Variants in TUSC3 observed in about 807,000 individuals in gnomAD.
The protein encoded by TUSC3 is dolichyl-diphosphooligosaccharide--protein glycosyltransferase subunit TUSC3.
TUSC3 carries 45 observed loss-of-function variants against 44.8 expected under a neutral mutation model. That is an observed-to-expected ratio of 1.00 (90% CI 0.79 to 1.29). The LOEUF (loss-of-function observed/expected upper bound fraction) is 1.29, where lower values mean the gene tolerates loss of function less well. Ranked by LOEUF, TUSC3 falls within the 50% of genes most tolerant of loss-of-function variation. TUSC3 has a pLI of 0.00. For synonymous variants in TUSC3, 212 were observed against 152.9 expected, an observed-to-expected ratio of 1.39 and a Z score of -2.85; for missense variants, 519 against 437.9, an observed-to-expected ratio of 1.19 and a Z score of -1.65.
chr8:15,547,517 A>C (rs1487685481), intron 1 of TUSC3, among the ~76,000 whole-genome samples: 3 of 151,714 alleles, frequency 2.0e-5, no homozygotes, highest in Non-Finnish European at 4.4e-5. Context: ...ATAAGGCTTA[A>C]ATTATATCAG....
At chr8:15,675,677 T>A (rs993324099) in intron 6 of TUSC3, among the ~76,000 whole-genome samples, 1 of 152,148 alleles carries the variant, frequency 6.6e-6, no homozygotes, top group African/African-American at 2.4e-5. Context: ...CTCCTACTTA[T>A]AAGAACGTGC....
At chr8:15,741,813 G>A (rs1226771332) in intron 7 of TUSC3, among the ~76,000 whole-genome samples, 1 of 152,018 alleles carries the variant, frequency 6.6e-6, no homozygotes, top group Non-Finnish European at 1.5e-5. Context: ...AAAAGATATT[G>A]CAGAAAAAAT....
At chr8:15,616,808 C>T (rs1805003878) in intron 1 of TUSC3, among the ~76,000 whole-genome samples, 2 of 152,088 alleles carry the variant, frequency 1.3e-5, no homozygotes, top group South Asian at 2.1e-4. Flanking sequence ...GGTGCCGCTG[C>T]GTTCCCCTCA....
chr8:15,593,033 G>T (rs140387911), intron 1 of TUSC3, among the ~76,000 whole-genome samples: 22 of 152,226 alleles, frequency 1.4e-4, no homozygotes, highest in African/African-American at 4.6e-4. Context: ...GGATTCATTA[G>T]CCTATAGATA....
the TUSC3 span, among the ~76,000 whole-genome samples, chr8:15,842,979 ATTG>A: frequency 2.6e-5 from 4 of 152,184 alleles, no homozygotes; most frequent in Non-Finnish European, 4.4e-5. Context: ...ATGAATGATT[ATTG>A]TTGTTATAGT....
intron 2 of TUSC3, among the ~76,000 whole-genome samples, chr8:15,515,835 T>G (rs986685706): frequency 6.6e-6 from 1 of 151,376 alleles, no homozygotes; most frequent in African/African-American, 2.4e-5. Context: ...ACCCGGCTAT[T>G]TTTTTTTGTA....
intron 1 of TUSC3, among the ~76,000 whole-genome samples, chr8:15,552,889 A>G (rs951947117): frequency 6.6e-6 from 1 of 151,668 alleles, no homozygotes; most frequent in African/African-American, 2.4e-5. Context: ...GCAGATGTCA[A>G]AGTGAGAGGT....
At chr8:15,776,662 A>G in the TUSC3 span, among the ~76,000 whole-genome samples, 1 of 152,216 alleles carries the variant, frequency 6.6e-6, no homozygotes, top group Admixed American at 6.5e-5. Context: ...TTATAGTAAT[A>G]TTTTTGCCTC....
chr8:15,608,314 C>G (rs1207934720), intron 1 of TUSC3, among the ~76,000 whole-genome samples: 1 of 151,354 alleles, frequency 6.6e-6, no homozygotes, highest in Non-Finnish European at 1.5e-5. Flanking sequence ...TTTTTGCTTG[C>G]TTTGTTACTT....
At chr8:15,474,510 A>G (rs915480981) in intron 1 of TUSC3, among the ~76,000 whole-genome samples, 5 of 152,188 alleles carry the variant, frequency 3.3e-5, no homozygotes, top group Admixed American at 6.5e-5. Context: ...ACTTCCTGCA[A>G]CAATAAAGTA....
intron 7 of TUSC3, chr8:15,743,314 C>A (rs1165111428): frequency 3.7e-6 from 2 of 541,456 alleles, no homozygotes; most frequent in East Asian, 3.2e-5. Context: ...TTGGAATTAG[C>A]CTCTCAATAT....
chr8:15,542,086 A>G (rs1478517676), intron 1 of TUSC3, among the ~76,000 whole-genome samples: 1 of 151,658 alleles, frequency 6.6e-6, no homozygotes, highest in Non-Finnish European at 1.5e-5. Context: ...TGGTCAGGGT[A>G]CAGCTGGCTT....
chr8:15,654,712 G>T (rs1807077593), intron 3 of TUSC3, among the ~76,000 whole-genome samples: 1 of 152,102 alleles, frequency 6.6e-6, no homozygotes, highest in East Asian at 1.9e-4. Flanking sequence ...CAGGAGAATT[G>T]CTTGAACCCA....
upstream of TUSC3, among the ~76,000 whole-genome samples, chr8:15,535,281 G>T (rs1224945513): frequency 6.6e-6 from 1 of 152,180 alleles, no homozygotes; most frequent in Non-Finnish European, 1.5e-5. Flanking sequence ...CAAGGATAAA[G>T]AATTTGGGTT....
At chr8:15,649,062 G>C (rs1488029502) in intron 2 of TUSC3, among the ~76,000 whole-genome samples, 1 of 152,120 alleles carries the variant, frequency 6.6e-6, no homozygotes, top group Non-Finnish European at 1.5e-5. Flanking sequence ...CACAGTTCTT[G>C]ATAAATACAA....
At chr8:15,687,001 A>G (rs1376980237) in intron 6 of TUSC3, among the ~76,000 whole-genome samples, 1 of 152,146 alleles carries the variant, frequency 6.6e-6, no homozygotes, top group Non-Finnish European at 1.5e-5. Flanking sequence ...TGAACCCGGG[A>G]GGCGGAGCTT....
chr8:15,847,512 A>G, the TUSC3 span, among the ~76,000 whole-genome samples: 1 of 152,008 alleles, frequency 6.6e-6, no homozygotes, highest in Non-Finnish European at 1.5e-5. Context: ...GCATTTCCTC[A>G]CGCAAATACG....
intron 1 of TUSC3, among the ~76,000 whole-genome samples, chr8:15,608,706 C>T (rs1804636853): frequency 6.6e-6 from 1 of 152,160 alleles, no homozygotes; most frequent in South Asian, 2.1e-4. Context: ...GCTTTCACTT[C>T]ACTTCTCTTG....
chr8:15,489,957 G>A (rs1012475609), intron 2 of TUSC3, among the ~76,000 whole-genome samples: 2 of 152,122 alleles, frequency 1.3e-5, no homozygotes, highest in Non-Finnish European at 2.9e-5. Context: ...GTAAAGTTTT[G>A]TAATTCTGTT....
Sources: gnomAD v4.1 joint callset for allele counts (sites outside exome capture counted in the v4.1 genomes callset) on GRCh38, gnomAD v4.1.1 for gene constraint, MANE v1.5 for transcripts, NCBI Gene and HGNC (gene_info 2026-07-23, HGNC 2026-07-21) for gene names.